The following RHBDF2 variants were observed in gnomAD, a reference collection of about 807,000 sequenced individuals.
RHBDF2 encodes rhomboid 5 homolog 2.
Under a neutral mutation model 95.2 loss-of-function variants are expected in RHBDF2, and 38 were observed. That is an observed-to-expected ratio of 0.40 (90% CI 0.31 to 0.52). The LOEUF (loss-of-function observed/expected upper bound fraction) is 0.52, where lower values mean the gene tolerates loss of function less well. Ranked by LOEUF, RHBDF2 falls within the 20% of genes least tolerant of loss-of-function variation. The probability of loss-of-function intolerance (pLI) is 0.56; values close to 1 mark genes in which losing one functional copy is unlikely to be tolerated. For synonymous variants in RHBDF2, 442 were observed against 462.0 expected (o/e 0.96, Z 0.55); for missense variants, 863 against 1,137.7 (o/e 0.76, Z 3.47).
intron 1 of RHBDF2, among the ~76,000 whole-genome samples, chr17:76,498,371 C>T (rs1249625743): frequency 4.6e-5 from 7 of 152,242 alleles, no homozygotes; most frequent in Admixed American, 2.0e-4. Flanking sequence ...GATGGGGCAG[C>T]GCCGAGGCCT....
chr17:76,485,304 G>C (rs1196484175), intron 2 of RHBDF2, among the ~76,000 whole-genome samples: 1 of 151,900 alleles, frequency 6.6e-6, no homozygotes, highest in Non-Finnish European at 1.5e-5. Context: ...CCAGCTACTC[G>C]GGAGGCTGAG....
chr17:76,475,264 C>G (rs2073733848), intron 9 of RHBDF2, 123 bp from the exon 10 acceptor site: 1 of 643,910 alleles, frequency 1.6e-6, no homozygotes, highest in African/African-American at 1.8e-5. Flanking sequence ...CCCGTCAACT[C>G]ATCTCAAACC....
At chr17:76,476,673 T>G in intron 9 of RHBDF2, 157 bp downstream of exon 9, 1 of 1,156,520 alleles carries the variant, frequency 8.6e-7, no homozygotes, top group Non-Finnish European at 1.2e-6. Context: ...TGCACAACCC[T>G]TGGGACAGGG....
intron 1 of RHBDF2, among the ~76,000 whole-genome samples, chr17:76,500,523 C>T (rs1057514889): frequency 2.0e-5 from 3 of 152,134 alleles, no homozygotes; most frequent in Non-Finnish European, 2.9e-5. Flanking sequence ...CAGCCTCTCC[C>T]CAAGTGGGGT....
chr17:76,484,790 C>CA (rs1469233165), intron 2 of RHBDF2, among the ~76,000 whole-genome samples: 2 of 152,188 alleles, frequency 1.3e-5, no homozygotes, highest in Non-Finnish European at 2.9e-5. Context: ...CTCATTGTCT[C>CA]AAACTGGCCA....
At chr17:76,485,974 C>T (rs978870209) in intron 2 of RHBDF2, among the ~76,000 whole-genome samples, 19 of 151,222 alleles carry the variant, frequency 1.3e-4, no homozygotes, top group African/African-American at 3.2e-4. Flanking sequence ...GGGGACTGGG[C>T]AGGGGGTGAC....
chr17:76,494,863 C>T (rs553673910), intron 1 of RHBDF2, among the ~76,000 whole-genome samples: 9 of 152,206 alleles, frequency 5.9e-5, no homozygotes, highest in Non-Finnish European at 1.0e-4. Context: ...CAGCAGCTCC[C>T]GAGCCTGGGG....
chr17:76,493,955 C>T (rs2074373832), intron 1 of RHBDF2, among the ~76,000 whole-genome samples: 2 of 151,406 alleles, frequency 1.3e-5, no homozygotes, highest in Admixed American at 1.3e-4. Flanking sequence ...TGACCATCCC[C>T]TGACTTCTCT....
At position 76,473,728 on chromosome 17, in the gene RHBDF2, C is replaced by T; in HGVS notation, c.1653G>A (p.Gln551=). 1 of 1,611,864 alleles carries T rather than the reference C, an allele frequency of 6.2e-7. No individual in the cohort carries two copies. The highest frequency in any genetic ancestry group is 8.5e-7 in the Non-Finnish European group (1 of 1,179,154). ...DITKWPICTE[Q]ARSNHTGFLH... is the part of the protein sequence containing the mutation. ...GGAAGCCTGTGTGGTTGCTCCTGGC[C>T]TGCTCTGTGCAGATCTGCCAGGAGG... The change falls in exon 15 of 19, where the codon CAG becomes CAA. Residue 551 remains glutamine, a synonymous_variant. Transcript: ENST00000675367.
chr17:76,498,596 G>C (rs2074489225), intron 1 of RHBDF2, among the ~76,000 whole-genome samples: 1 of 152,216 alleles, frequency 6.6e-6, no homozygotes, highest in South Asian at 2.1e-4. Context: ...CTGGGGCAGA[G>C]TTTACACAGC....
intron 18 of RHBDF2, 103 bp downstream of exon 18, chr17:76,472,583 A>T (rs758849743): frequency 6.9e-7 from 1 of 1,445,580 alleles, no homozygotes; most frequent in Non-Finnish European, 9.7e-7. Context: ...AGCCCAGTAC[A>T]GGAGGGGCAC....
In RHBDF2 at chr17:76,471,205, C is replaced by G. The variant is rs2073546356; in HGVS notation, c.*428G>C. 5.6e-6 allele frequency: 1 copy of G among 178,626 alleles called. No individual in the cohort carries two copies. Among genetic ancestry groups the G allele is most frequent in the South Asian group, 1.2e-4 (1 of 8,016 alleles). 11.1% of individuals were successfully genotyped at this position (178,626 alleles called of 1,614,324 possible). A position where few individuals can be genotyped will look rare whatever the true frequency, so the allele number is the denominator to read the frequency against. On this transcript the variant is annotated 3_prime_UTR_variant, in exon 19 of 19. Transcript: ENST00000675367. ...AAGAGGAAGGGGCATGGTGGGCACC[C>G]AGCCCTGGGGGCAACTGAGGGCACA...
chr17:76,487,231 G>A (rs556589248), intron 2 of RHBDF2, among the ~76,000 whole-genome samples: 3 of 148,664 alleles, frequency 2.0e-5, no homozygotes, highest in South Asian at 4.2e-4. Flanking sequence ...GATTACAGGC[G>A]TGAGCCAGCA....
intron 1 of RHBDF2, among the ~76,000 whole-genome samples, chr17:76,498,789 A>AGAGTGTGTGT (rs1206209503): frequency 6.6e-4 from 95 of 143,768 alleles, no homozygotes; most frequent in Non-Finnish European, 9.5e-4. Flanking sequence ...AGAGAAAGAG[A>AGAGTGTGTGT]GTGTGTGTGT....
intron 16 of RHBDF2, 73 bp from the exon 17 acceptor site, chr17:76,473,178 C>G: frequency 6.3e-7 from 1 of 1,583,326 alleles, no homozygotes; most frequent in Non-Finnish European, 8.7e-7. Flanking sequence ...GGAGGGAGTG[C>G]GTGAGCCCCG....
intron 1 of RHBDF2, among the ~76,000 whole-genome samples, chr17:76,500,275 TAAC>T (rs1424664934): frequency 1.3e-5 from 2 of 151,974 alleles, no homozygotes; most frequent in Non-Finnish European, 2.9e-5. Flanking sequence ...TACCTGCCAG[TAAC>T]AACAACACTC....
intron 9 of RHBDF2, 92 bp from the exon 10 acceptor site, chr17:76,475,233 C>T (rs2073733298): frequency 4.7e-6 from 4 of 855,376 alleles, no homozygotes; most frequent in South Asian, 3.0e-5. Flanking sequence ...TCACATGGCT[C>T]GCCTGGGCTC....
chr17:76,473,910 C>A lies in RHBDF2; in HGVS notation c.1575-8G>T. 1 of 1,613,898 alleles carries A rather than the reference C, an allele frequency of 6.2e-7. No homozygotes were observed. The highest frequency in any genetic ancestry group is 8.5e-7 in the Non-Finnish European group (1 of 1,179,952). On this transcript the variant is annotated splice_region_variant and splice_polypyrimidine_tract_variant and intron_variant, in intron 13 of 18. Transcript: ENST00000675367. ...GCTGGCTCCTCGCAGGTCCTGGAGA[C>A]AGGGTTCAGATTGGGCTGTGGCACA...
intron 18 of RHBDF2, 39 bp from the exon 19 acceptor site, chr17:76,472,091 G>T (rs1270149753): frequency 1.3e-6 from 2 of 1,518,726 alleles, no homozygotes; most frequent in East Asian, 2.4e-5. Context: ...CAGGCATCAG[G>T]TGGGTGGCCT....
Sources: allele counts gnomAD v4.1 joint callset (sites outside exome capture counted in the v4.1 genomes callset), GRCh38; gene constraint gnomAD v4.1.1; transcripts MANE v1.5; gene names NCBI Gene and HGNC (gene_info 2026-07-23, HGNC 2026-07-21).